The following MPDU1 variants were observed in gnomAD, a reference collection of about 807,000 sequenced individuals.
The protein encoded by MPDU1 is mannose-P-dolichol utilization defect 1.
A neutral mutation model predicts 27.6 loss-of-function variants in MPDU1; 18 were observed. The ratio of observed to expected loss-of-function variants is 0.65; its 90% CI spans 0.45 to 0.97. MPDU1 has a LOEUF of 0.97. Ranked by LOEUF, MPDU1 falls within the 50% of genes least tolerant of loss-of-function variation. The pLI is 0.00. For missense variants in MPDU1, 279 were observed against 297.4 expected (o/e 0.94, Z 0.46); for synonymous variants, 142 against 131.1 (o/e 1.08, Z -0.57).
In MPDU1 at chr17:7,587,431, C is replaced by A; in HGVS notation, c.624C>A (p.Thr208=). 6.2e-7 allele frequency: 1 copy of A among 1,613,926 alleles called. No homozygotes were observed. The highest frequency in any genetic ancestry group is 8.5e-7 in the Non-Finnish European group (1 of 1,179,994). The change falls in exon 7 of 7, where the codon ACC becomes ACA. Residue 208 remains threonine, a synonymous_variant. Transcript: ENST00000250124. ...GCTCTGTCTCTTGCAACCAGGAAAC[C>A]GGAGATCCCCTGATGGCTGGGACCT... The part of the protein sequence containing the change: ...LARIFTSIQE[T]GDPLMAGTFV...
chr17:7,585,589 C>T, intron 1 of MPDU1, 143 bp from the exon 2 acceptor site: 1 of 734,332 alleles, frequency 1.4e-6, no homozygotes, highest in South Asian at 1.6e-5. Flanking sequence ...AGGACTTTCT[C>T]ACTGCCCTCC....
Position 7,587,821 on chromosome 17 carries a change from C to T in MPDU1, c.*270C>T. ...TACATGTACTATTAATTCAGTCATT[C>T]AGCCAAGCCTCCTCCTCTAGCAGCA... On this transcript the variant is annotated 3_prime_UTR_variant, in exon 7 of 7. Transcript: ENST00000250124. The T allele has an allele frequency of 1.8e-6, 1 of 571,236 alleles. No individual in the cohort carries two copies. 35.4% of individuals were successfully genotyped at this position (571,236 alleles called of 1,614,324 possible). A position where few individuals can be genotyped will look rare whatever the true frequency, so the allele number is the denominator to read the frequency against.
intron 1 of MPDU1, among the ~76,000 whole-genome samples, chr17:7,584,562 T>C (rs1183634164): frequency 6.6e-6 from 1 of 152,178 alleles, no homozygotes; most frequent in East Asian, 1.9e-4. Context: ...AGAGTCAGAC[T>C]CCCACTAGAC....
chr17:7,584,828 C>G (rs943298005), intron 1 of MPDU1, among the ~76,000 whole-genome samples: 1 of 152,004 alleles, frequency 6.6e-6, no homozygotes, highest in Non-Finnish European at 1.5e-5. Flanking sequence ...CCCGCCTCTA[C>G]TAAAAATACA....
chr17:7,587,934 T>G lies in MPDU1; in HGVS notation c.*383T>G, dbSNP rs958680293. On this transcript the variant is annotated 3_prime_UTR_variant, in exon 7 of 7. Transcript: ENST00000250124. ...TCCCTTCTGGCCCTGGAAGACTGAG[T>G]CTGGACGGCAGAGTGGAGGGACTGG... The G allele has an allele frequency of 2.1e-6, 1 of 481,184 alleles. No homozygotes were observed. Among genetic ancestry groups the G allele is most frequent in the Middle Eastern group, 6.3e-4 (1 of 1,578 alleles). The allele number at this position is 481,184 out of a possible 1,614,324, so 29.8% of individuals were successfully genotyped here.
chr17:7,584,072 A>T (rs2071540914), intron 1 of MPDU1, 107 bp downstream of exon 1: 3 of 1,138,866 alleles, frequency 2.6e-6, no homozygotes, highest in Non-Finnish European at 4.0e-6. Flanking sequence ...CGCCATGCCG[A>T]GCTGGACGGA....
Position 7,588,109 on chromosome 17 carries a change from G to A in MPDU1, c.*558G>A. 2 of 616,086 alleles carry A rather than the reference G, an allele frequency of 3.2e-6. No individual in the cohort carries two copies. Among genetic ancestry groups the A allele is most frequent in the Non-Finnish European group, 6.0e-6 (2 of 331,272 alleles). The allele number at this position is 616,086 out of a possible 1,614,324, so 38.2% of individuals were successfully genotyped here. ...TGCTCTGGCAGGTCTAGGCGGAAGG[G>A]AGTGGAGATGGGGCTGGTTCCTGCT... On this transcript the variant is annotated 3_prime_UTR_variant, in exon 7 of 7. Transcript: ENST00000250124.
intron 1 of MPDU1, among the ~76,000 whole-genome samples, chr17:7,585,317 A>T (rs1438665313): frequency 1.3e-5 from 2 of 152,028 alleles, no homozygotes; most frequent in African/African-American, 2.4e-5. Flanking sequence ...CAGGTGGATC[A>T]TCTGAGGTCA....
intron 1 of MPDU1, chr17:7,584,228 T>G: frequency 3.3e-6 from 2 of 597,342 alleles, no homozygotes; most frequent in Non-Finnish European, 6.0e-6. Context: ...TCAACTTTTA[T>G]AAAACAAAAT....
At chr17:7,584,491 G>C (rs1290621916) in intron 1 of MPDU1, among the ~76,000 whole-genome samples, 1 of 152,226 alleles carries the variant, frequency 6.6e-6, no homozygotes, top group African/African-American at 2.4e-5. Flanking sequence ...GCCCCTGTCA[G>C]TTCATGGTAC....
At position 7,587,792 on chromosome 17, in the gene MPDU1, C is replaced by G. The variant is rs2071610003; in HGVS notation, c.*241C>G. ...TTGACATTTGAGTGCTTTCGTAAGCCCTGTACATGTACTATTAATTCAGTC... is the reference window on the plus strand; with the variant it reads ...TTGACATTTGAGTGCTTTCGTAAGCGCTGTACATGTACTATTAATTCAGTC... On this transcript the variant is annotated 3_prime_UTR_variant, in exon 7 of 7. Transcript: ENST00000250124. 1.6e-6 allele frequency: 1 copy of G among 625,284 alleles called. No individual in the cohort carries two copies. The highest frequency in any genetic ancestry group is 1.8e-5 in the African/African-American group (1 of 55,458). The allele number at this position is 625,284 out of a possible 1,614,324, so 38.7% of individuals were successfully genotyped here.
At position 7,588,101 on chromosome 17, in the gene MPDU1, G is replaced by A. The variant is rs1354233737; in HGVS notation, c.*550G>A. Reference sequence around the variant, plus strand: ...GAGGTTCCTGCTCTGGCAGGTCTAGGCGGAAGGGAGTGGAGATGGGGCTGG... The same window carrying A: ...GAGGTTCCTGCTCTGGCAGGTCTAGACGGAAGGGAGTGGAGATGGGGCTGG... On this transcript the variant is annotated 3_prime_UTR_variant, in exon 7 of 7. Transcript: ENST00000250124. 1 of 599,842 alleles carries A rather than the reference G, an allele frequency of 1.7e-6. No homozygotes were observed. Among genetic ancestry groups the A allele is most frequent in the Non-Finnish European group, 3.1e-6 (1 of 320,948 alleles). 37.2% of individuals were successfully genotyped at this position (599,842 alleles called of 1,614,324 possible). A position where few individuals can be genotyped will look rare whatever the true frequency, so the allele number is the denominator to read the frequency against.
At chr17:7,584,129 G>A (rs924070017) in intron 1 of MPDU1, 164 bp downstream of exon 1, 2 of 733,030 alleles carry the variant, frequency 2.7e-6, no homozygotes, top group Admixed American at 2.0e-5. Flanking sequence ...CTTAGAGGGA[G>A]GACACCATAT....
At chr17:7,586,469 GAA>G (rs1193220751) in intron 3 of MPDU1, 4 of 613,628 alleles carry the variant, frequency 6.5e-6, no homozygotes, top group Non-Finnish European at 5.8e-6. Context: ...AAGGGGCTAG[GAA>G]AGTTTTAAGC....
In MPDU1 at chr17:7,583,885, C is replaced by A. The variant is rs769696421; in HGVS notation, c.23C>A (p.Pro8Gln). 8 of 1,614,176 alleles carry A rather than the reference C, an allele frequency of 5.0e-6. No homozygotes were observed. Among genetic ancestry groups the A allele is most frequent in the South Asian group, 4.4e-5 (4 of 91,088 alleles). MAAEADGPLKRLLVPILL... is the reference protein window; with the variant it reads MAAEADGQLKRLLVPILL... ...AATATGGCGGCCGAGGCGGACGGAC[C>A]GCTTAAACGGCTGCTCGTGCCGATT... The change falls in exon 1 of 7, where the codon CCG (proline) becomes CAG (glutamine). Residue 8 changes from proline to glutamine, a missense_variant. By Grantham distance (76) the Pro-to-Gln change is moderately conservative. Coordinates refer to ENST00000250124, the MANE Select transcript of MPDU1 (RefSeq NM_004870.4).
At chr17:7,583,756 G>C (rs760774334), upstream of MPDU1, 4 of 1,180,492 alleles carry the variant, frequency 3.4e-6, no homozygotes, top group African/African-American at 1.5e-5. Context: ...CACGGGGCGG[G>C]CCAGCTTCGC....
intron 3 of MPDU1, 78 bp downstream of exon 3, chr17:7,586,156 A>G (rs2071579230): frequency 5.1e-6 from 8 of 1,577,752 alleles, no homozygotes; most frequent in Non-Finnish European, 6.9e-6. Context: ...GTTACAAGGC[A>G]GCAAAGTGGC....
At chr17:7,584,720 G>C (rs555337508) in intron 1 of MPDU1, among the ~76,000 whole-genome samples, 2 of 152,216 alleles carry the variant, frequency 1.3e-5, no homozygotes, top group African/African-American at 2.4e-5. Context: ...GGGCGGGCAC[G>C]GTGGCTCACG....
Position 7,587,968 on chromosome 17 carries a change from G to A in MPDU1, c.*417G>A. On this transcript the variant is annotated 3_prime_UTR_variant, in exon 7 of 7. Transcript: ENST00000250124. ...CAGAGTGGAGGGACTGGGAGGCTGT[G>A]GCTGCCTCCCTCCCTCAGCCCGGCT... 2.1e-6 allele frequency: 1 copy of A among 477,970 alleles called. No homozygotes were observed. Among genetic ancestry groups the A allele is most frequent in the South Asian group, 1.5e-5 (1 of 64,714 alleles). The allele number at this position is 477,970 out of a possible 1,614,324, so 29.6% of individuals were successfully genotyped here. A position where few individuals can be genotyped will look rare whatever the true frequency, so the allele number is the denominator to read the frequency against.
Sources: gnomAD v4.1 joint callset for allele counts (sites outside exome capture counted in the v4.1 genomes callset) on GRCh38, gnomAD v4.1.1 for gene constraint, MANE v1.5 for transcripts, NCBI Gene and HGNC (gene_info 2026-07-23, HGNC 2026-07-21) for gene names.